The following BBS9 variants were observed in gnomAD, a reference collection of about 807,000 sequenced individuals.
BBS9 encodes Bardet-Biedl syndrome 9, also known as protein PTHB1.
In BBS9, 89 loss-of-function variants were observed where a neutral mutation model predicts 117.7. That is an observed-to-expected ratio of 0.76 (90% CI 0.64 to 0.90). The LOEUF is 0.90. Ranked by LOEUF, BBS9 falls within the 40% of genes least tolerant of loss-of-function variation. The pLI is 0.00. For missense variants in BBS9, 982 were observed against 1,042.2 expected, an observed-to-expected ratio of 0.94 and a Z score of 0.80; for synonymous variants, 379 against 370.9, an observed-to-expected ratio of 1.02 and a Z score of -0.25.
At chr7:33,630,192 C>T (rs1030072253) in intron 21 of BBS9, among the ~76,000 whole-genome samples, 1 of 152,058 alleles carries the variant, frequency 6.6e-6, no homozygotes, top group Admixed American at 6.6e-5. Flanking sequence ...ATAAGCAAAG[C>T]AAAACAGATC....
intron 5 of BBS9, among the ~76,000 whole-genome samples, chr7:33,207,782 A>G (rs1323717980): frequency 1.3e-5 from 2 of 152,114 alleles, no homozygotes; most frequent in Non-Finnish European, 2.9e-5. Context: ...GCACATGTGC[A>G]CATAAATGTG....
intron 2 of BBS9, among the ~76,000 whole-genome samples, chr7:33,151,625 A>G (rs892069545): frequency 7.9e-5 from 12 of 151,186 alleles, no homozygotes; most frequent in Non-Finnish European, 1.8e-4. Context: ...TCTCGGCTCA[A>G]TGCAGCCTCC....
At position 33,231,428 on chromosome 7, in the gene BBS9, C is replaced by CTTTTTTTTTTTTTTTTTTTT. The variant is rs35407590; in HGVS notation, c.443-25791_443-25790insTTTTTTTTTTTTTTTTTTTT. Among the ~76,000 whole-genome samples, 254 of 106,262 alleles carry CTTTTTTTTTTTTTTTTTTTT rather than the reference C, an allele frequency of 2.4e-3. 11 individuals carry two copies. Among genetic ancestry groups the CTTTTTTTTTTTTTTTTTTTT allele is most frequent in the East Asian group, 4.7e-3 (18 of 3,854 alleles). 69.7% of individuals were successfully genotyped at this position (106,262 alleles called of 152,430 possible). The stretch of plus-strand genomic sequence containing the variant: ...TATTCTGTTCCTCTGGCCTATGTGT[C>CTTTTTTTTTTTTTTTTTTTT]TTTTTTTTTTTTTTTTTGCCAGGAC... On this transcript the variant is annotated intron_variant, in intron 5 of 22. Transcript: ENST00000242067.
intron 11 of BBS9, among the ~76,000 whole-genome samples, chr7:33,341,597 CATT>C (rs1816575536): frequency 6.6e-6 from 1 of 150,870 alleles, no homozygotes; most frequent in South Asian, 2.1e-4. Context: ...TTATGATTGT[CATT>C]ATCATCAAAT....
intron 9 of BBS9, among the ~76,000 whole-genome samples, chr7:33,310,656 G>T (rs769106261): frequency 3.4e-4 from 52 of 152,324 alleles, no homozygotes; most frequent in Non-Finnish European, 7.1e-4. Context: ...TACCCCAGGG[G>T]ACATTTGGCA....
At chr7:33,350,496 C>T (rs1563045330) in intron 13 of BBS9, among the ~76,000 whole-genome samples, 1 of 152,146 alleles carries the variant, frequency 6.6e-6, no homozygotes, top group African/African-American at 2.4e-5. Context: ...TAGATGAGCA[C>T]GCACAATCTG....
At chr7:33,587,533 G>T (rs763739882) in intron 21 of BBS9, among the ~76,000 whole-genome samples, 1 of 152,116 alleles carries the variant, frequency 6.6e-6, no homozygotes, top group African/African-American at 2.4e-5. Flanking sequence ...GGGCAGTGCA[G>T]GATGTATAGG....
intron 21 of BBS9, among the ~76,000 whole-genome samples, chr7:33,570,644 A>G (rs966532040): frequency 5.3e-5 from 8 of 152,200 alleles, no homozygotes; most frequent in Non-Finnish European, 7.3e-5. Context: ...ATTTTAAGGG[A>G]AAACTGTTAC....
Position 33,352,870 on chromosome 7 carries a change from G to C in BBS9, c.1549G>C (p.Asp517His). Residue 517 changes from aspartate to histidine, a missense_variant, in exon 15 of 23, where the codon GAT (aspartate) becomes CAT (histidine). Transcript: ENST00000242067. ...CCTGTGATGGACAGATCGAAATCCTGATGGTAAGTGTAAAGATAATTTAGA... is the reference window on the plus strand; with the variant it reads ...CCTGTGATGGACAGATCGAAATCCTCATGGTAAGTGTAAAGATAATTTAGA... ...SYSRPTDRNP[D>H]GIPRVIQCKF... 6.2e-7 allele frequency: 1 copy of C among 1,612,366 alleles called. No individual in the cohort carries two copies. Among genetic ancestry groups the C allele is most frequent in the South Asian group, 1.1e-5 (1 of 91,030 alleles).
intron 21 of BBS9, among the ~76,000 whole-genome samples, chr7:33,611,892 A>C (rs1200558489): frequency 6.8e-6 from 1 of 146,816 alleles, no homozygotes; most frequent in Non-Finnish European, 1.5e-5. Flanking sequence ...ATATTAAAGG[A>C]TAAAATATAT....
At chr7:33,167,708 G>T (rs188780452) in intron 4 of BBS9, among the ~76,000 whole-genome samples, 43 of 152,074 alleles carry the variant, frequency 2.8e-4, no homozygotes, top group African/African-American at 1.0e-3. Flanking sequence ...CTTAAATTCT[G>T]GGAATTCTTA....
intron 12 of BBS9, among the ~76,000 whole-genome samples, chr7:33,348,847 A>G (rs1818087097): frequency 6.6e-6 from 1 of 152,170 alleles, no homozygotes; most frequent in African/African-American, 2.4e-5. Context: ...ACATATTGCC[A>G]ATCTTTATTC....
chr7:33,550,571 C>T (rs550906638), intron 21 of BBS9, among the ~76,000 whole-genome samples: 1 of 152,038 alleles, frequency 6.6e-6, no homozygotes, highest in Non-Finnish European at 1.5e-5. Context: ...AGCCACAACA[C>T]GCAAAGATGA....
At chr7:33,613,618 A>G (rs376744779) in intron 21 of BBS9, among the ~76,000 whole-genome samples, 1 of 151,920 alleles carries the variant, frequency 6.6e-6, no homozygotes, top group African/African-American at 2.4e-5. Flanking sequence ...CAAAAACCTC[A>G]TTCGCTTAAG....
In BBS9 at chr7:33,409,770, T is replaced by C. The variant is rs933291105; in HGVS notation, c.2115+21626T>C. ...GCATTTTCCTAACGATGTTGAACTT[T>C]TAAAAATATGTTTATTAGACTATTA... On this transcript the variant is annotated intron_variant, in intron 19 of 22. Coordinates refer to ENST00000242067, the MANE Select transcript of BBS9 (RefSeq NM_198428.3). Among the ~76,000 whole-genome samples the C allele has an allele frequency of 2.0e-5, 3 of 152,244 alleles. No individual in the cohort carries two copies. In the East Asian group the frequency reaches 5.8e-4, roughly 29 times the overall value.
At chr7:33,161,991 G>C (rs1794933158) in intron 4 of BBS9, among the ~76,000 whole-genome samples, 1 of 152,116 alleles carries the variant, frequency 6.6e-6, no homozygotes, top group African/African-American at 2.4e-5. Context: ...TTGTAAATTT[G>C]TTTAAGTTCT....
chr7:33,617,199 G>C (rs1865183818), intron 21 of BBS9, among the ~76,000 whole-genome samples: 1 of 151,828 alleles, frequency 6.6e-6, no homozygotes, highest in Non-Finnish European at 1.5e-5. Flanking sequence ...TTGTCTTAAT[G>C]AATCAAAAAA....
chr7:33,257,491 C>T (rs1304889715), intron 6 of BBS9, 81 bp downstream of exon 6: 17 of 1,231,104 alleles, frequency 1.4e-5, no homozygotes, highest in Non-Finnish European at 1.9e-5. Context: ...CAAAGAGCTT[C>T]AATATCACAA....
intron 9 of BBS9, among the ~76,000 whole-genome samples, chr7:33,275,493 A>G (rs1027321954): frequency 3.3e-5 from 5 of 152,192 alleles, no homozygotes; most frequent in Admixed American, 1.3e-4. Context: ...GCAGGAGTCT[A>G]TATATCCATC....
Sources: allele counts gnomAD v4.1 joint callset (sites outside exome capture counted in the v4.1 genomes callset), GRCh38; gene constraint gnomAD v4.1.1; transcripts MANE v1.5; gene names NCBI Gene and HGNC (gene_info 2026-07-23, HGNC 2026-07-21).